CIMIP7: variants seen among roughly 807,000 people sequenced by gnomAD.
CIMIP7 encodes uncharacterized protein C3orf84.
At chr3:49,180,605 C>T in the CIMIP7 span, among the ~76,000 whole-genome samples, 1 of 152,136 alleles carries the variant, frequency 6.6e-6, no homozygotes, top group African/African-American at 2.4e-5. Flanking sequence ...CCAGAATCTT[C>T]AGAGTAGAGC....
At chr3:49,178,324 T>C in the CIMIP7 span, among the ~76,000 whole-genome samples, 57 of 152,322 alleles carry the variant, frequency 3.7e-4, no homozygotes, top group Admixed American at 7.8e-4. Context: ...AATAGGCTGT[T>C]TCCCAGAGGA....
At chr3:49,186,159 C>G in the CIMIP7 span, among the ~76,000 whole-genome samples, 30 of 151,600 alleles carry the variant, frequency 2.0e-4, no homozygotes, top group Admixed American at 2.0e-4. Flanking sequence ...CACCACCACC[C>G]TGGCTAATTT....
At chr3:49,190,640 C>T in the CIMIP7 span, among the ~76,000 whole-genome samples, 1 of 150,322 alleles carries the variant, frequency 6.7e-6, no homozygotes, top group Non-Finnish European at 1.5e-5. Flanking sequence ...AGACTACAGG[C>T]GCCCACTATC....
At chr3:49,189,270 A>G in the CIMIP7 span, among the ~76,000 whole-genome samples, 1 of 141,200 alleles carries the variant, frequency 7.1e-6, no homozygotes, top group African/African-American at 2.6e-5. Flanking sequence ...CACCTTGCCT[A>G]TTTTTTTTTT....
At chr3:49,185,967 G>A in the CIMIP7 span, among the ~76,000 whole-genome samples, 2 of 150,058 alleles carry the variant, frequency 1.3e-5, no homozygotes, top group African/African-American at 4.9e-5. Flanking sequence ...TTATGGGCGT[G>A]AGTCACCGCG....
chr3:49,188,739 G>A, the CIMIP7 span, among the ~76,000 whole-genome samples: 6 of 152,062 alleles, frequency 3.9e-5, no homozygotes, highest in African/African-American at 9.7e-5. Flanking sequence ...ACCCTTCCGA[G>A]TTCTGCTGTT....
At chr3:49,188,290 C>G in the CIMIP7 span, among the ~76,000 whole-genome samples, 1 of 152,208 alleles carries the variant, frequency 6.6e-6, no homozygotes, top group Non-Finnish European at 1.5e-5. Context: ...ATCCAGATGG[C>G]AGATCAAGTA....
the CIMIP7 span, among the ~76,000 whole-genome samples, chr3:49,186,688 C>A: frequency 6.6e-6 from 1 of 152,232 alleles, no homozygotes; most frequent in African/African-American, 2.4e-5. Context: ...CAGGCGTGAG[C>A]CACCGCACCC....
the CIMIP7 span, chr3:49,190,078 A>T: frequency 6.2e-7 from 1 of 1,612,680 alleles, no homozygotes; most frequent in Non-Finnish European, 8.5e-7. Context: ...GCAAGGTGGT[A>T]TTCTCTAGCA....
the CIMIP7 span, among the ~76,000 whole-genome samples, chr3:49,186,606 T>C: frequency 2.6e-5 from 4 of 152,236 alleles, no homozygotes; most frequent in South Asian, 6.2e-4. Flanking sequence ...GGTTTCACCA[T>C]GTTAGCCAGG....
chr3:49,181,991 G>A, the CIMIP7 span, among the ~76,000 whole-genome samples: 4 of 152,216 alleles, frequency 2.6e-5, no homozygotes, highest in South Asian at 8.3e-4. Context: ...GCAGACCTCC[G>A]CGGTGAGTGT....
the CIMIP7 span, among the ~76,000 whole-genome samples, chr3:49,186,548 C>T: frequency 7.2e-5 from 11 of 152,230 alleles, no homozygotes; most frequent in African/African-American, 2.6e-4. Flanking sequence ...GGACTACAGG[C>T]GCCCGCCACC....
the CIMIP7 span, among the ~76,000 whole-genome samples, chr3:49,184,510 A>T: frequency 6.6e-6 from 1 of 151,778 alleles, no homozygotes; most frequent in East Asian, 1.9e-4. Flanking sequence ...TACCAGAGAT[A>T]GGGTTTCACC....
At chr3:49,182,894 G>A in the CIMIP7 span, among the ~76,000 whole-genome samples, 4 of 152,208 alleles carry the variant, frequency 2.6e-5, no homozygotes, top group Middle Eastern at 3.2e-3. Context: ...CCCGGGGCGG[G>A]GGGGCCAGCC....
the CIMIP7 span, among the ~76,000 whole-genome samples, chr3:49,188,128 C>T: frequency 7.2e-5 from 11 of 152,320 alleles, no homozygotes; most frequent in South Asian, 2.3e-3. Context: ...AGGGAGGTGG[C>T]CCTGGATGGG....
chr3:49,179,066 G>A, the CIMIP7 span, among the ~76,000 whole-genome samples: 1 of 152,070 alleles, frequency 6.6e-6, no homozygotes, highest in African/African-American at 2.4e-5. Context: ...ACATATGACT[G>A]AGCTTTGGGT....
the CIMIP7 span, among the ~76,000 whole-genome samples, chr3:49,184,754 G>T: frequency 6.7e-6 from 1 of 149,888 alleles, no homozygotes; most frequent in African/African-American, 2.5e-5. Context: ...TCAGCCTCCC[G>T]AGTAGCTATG....
At chr3:49,182,993 C>T in the CIMIP7 span, among the ~76,000 whole-genome samples, 1 of 152,288 alleles carries the variant, frequency 6.6e-6, no homozygotes, top group East Asian at 1.9e-4. Flanking sequence ...CCCCTCTGGC[C>T]TCTCCCTCCA....
chr3:49,188,359 C>G, the CIMIP7 span, among the ~76,000 whole-genome samples: 21 of 152,188 alleles, frequency 1.4e-4, no homozygotes, highest in Admixed American at 1.4e-3. Context: ...GTTTTAGGCA[C>G]CCCTTCAGGT....
Sources: allele counts gnomAD v4.1 joint callset (sites outside exome capture counted in the v4.1 genomes callset), GRCh38; gene constraint gnomAD v4.1.1; transcripts MANE v1.5; gene names NCBI Gene and HGNC (gene_info 2026-07-23, HGNC 2026-07-21).